The following RUFY2 variants were observed in gnomAD, a reference collection of about 807,000 sequenced individuals.
RUFY2 encodes RUN and FYVE domain containing 2.
RUFY2 carries 49 observed loss-of-function variants against 94.4 expected under a neutral mutation model. The observed-to-expected ratio is 0.52, with a 90% CI of 0.41 to 0.66. The LOEUF is 0.66. RUFY2 is among the 30% of genes least tolerant of loss of function. RUFY2 has a pLI of 0.00. For missense variants in RUFY2, 541 were observed against 692.8 expected (o/e 0.78, Z 2.46); for synonymous variants, 255 against 235.7 (o/e 1.08, Z -0.75).
chr10:68,377,757 T>C, intron 12 of RUFY2: 1 of 983,878 alleles, frequency 1.0e-6, no homozygotes, highest in South Asian at 4.7e-5. Context: ...TCAATATTTT[T>C]ATAAGAAAAT....
At chr10:68,349,158 T>C (rs2046483088) in intron 16 of RUFY2, among the ~76,000 whole-genome samples, 1 of 152,156 alleles carries the variant, frequency 6.6e-6, no homozygotes, top group Non-Finnish European at 1.5e-5. Flanking sequence ...AGGTTTCCGA[T>C]AACTCTTATT....
Position 68,379,399 on chromosome 10 carries a change from G to T in RUFY2, c.1205+25C>A, listed in dbSNP as rs752904525. Reference sequence around the variant, plus strand: ...AAAAGGGAAGAAGAAAAGAAAAAAAGAAACTAAGACTGGAAATGCTGTACC... The same window carrying T: ...AAAAGGGAAGAAGAAAAGAAAAAAATAAACTAAGACTGGAAATGCTGTACC... On this transcript the variant is annotated intron_variant, in intron 12 of 17. Transcript: ENST00000602465. 7.2e-6 allele frequency: 11 copies of T among 1,526,050 alleles called. No homozygotes were observed. In the Admixed American group the frequency reaches 1.9e-4, roughly 26 times the overall value. 94.5% of individuals were successfully genotyped at this position (1,526,050 alleles called of 1,614,324 possible).
At chr10:68,349,423 G>A (rs953836140) in intron 16 of RUFY2, among the ~76,000 whole-genome samples, 3 of 121,200 alleles carry the variant, frequency 2.5e-5, no homozygotes, top group Admixed American at 9.4e-5. Context: ...AGGAGGCTGA[G>A]GGGGGGAGGA....
chr10:68,390,378 C>A (rs2049884453), intron 7 of RUFY2, among the ~76,000 whole-genome samples: 1 of 152,118 alleles, frequency 6.6e-6, no homozygotes, highest in South Asian at 2.1e-4. Context: ...AAAAATTATT[C>A]ATAATCCTAT....
intron 11 of RUFY2, among the ~76,000 whole-genome samples, chr10:68,380,613 G>A (rs1367210051): frequency 6.6e-6 from 1 of 152,100 alleles, no homozygotes; most frequent in Non-Finnish European, 1.5e-5. Context: ...TGTAATCTCA[G>A]CACTTTGGGA....
In RUFY2 at chr10:68,384,043, A is replaced by G. The variant is rs544396718; in HGVS notation, c.822+8T>C. On this transcript the variant is annotated splice_region_variant and intron_variant, in intron 9 of 17. Coordinates refer to ENST00000602465, the MANE Select transcript of RUFY2 (RefSeq NM_001330103.2). ...GAGATTGTCTGCTTGAAAGCAGTCT[A>G]TACTTACCTCTAGGTGCTGCTGTGT... is the stretch of plus-strand genomic sequence containing the variant. 3.1e-6 allele frequency: 5 copies of G among 1,609,214 alleles called. No homozygotes were observed. The Admixed American group carries it at 6.7e-5, about 22-fold the overall frequency.
chr10:68,342,817 T>G (rs1209218759), downstream of RUFY2: 1 of 152,600 alleles, frequency 6.6e-6, no homozygotes. Context: ...ACACAAGAAT[T>G]CAGTATTAAG....
intron 7 of RUFY2, among the ~76,000 whole-genome samples, chr10:68,387,862 G>A (rs2049633593): frequency 6.6e-6 from 1 of 152,010 alleles, no homozygotes; most frequent in South Asian, 2.1e-4. Context: ...ACTTAGCTGG[G>A]CGTGGTGGCA....
At chr10:68,397,410 C>A in intron 3 of RUFY2, among the ~76,000 whole-genome samples, 1 of 151,672 alleles carries the variant, frequency 6.6e-6, no homozygotes, top group Admixed American at 6.6e-5. Flanking sequence ...GTTATGCAGC[C>A]CAGGACTCTG....
chr10:68,396,897 A>C lies in RUFY2; in HGVS notation c.297-16T>G, dbSNP rs751266086. On this transcript the variant is annotated splice_polypyrimidine_tract_variant and intron_variant, in intron 3 of 17. Transcript: ENST00000602465. ...CAGAGGGGTCCTAAAGAGAAGAACC[A>C]ATTGATCAGAAAACAGCCCTAGCCC... The C allele has an allele frequency of 1.3e-6, 2 of 1,579,692 alleles. No homozygotes were observed. The highest frequency in any genetic ancestry group is 2.2e-5 in the South Asian group (2 of 90,090).
chr10:68,370,599 T>G (rs7089388), intron 13 of RUFY2, among the ~76,000 whole-genome samples: 1 of 151,712 alleles, frequency 6.6e-6, no homozygotes, highest in African/African-American at 2.4e-5. Flanking sequence ...GTGAGCCAGG[T>G]AGGGCACATG....
intron 16 of RUFY2, among the ~76,000 whole-genome samples, chr10:68,352,398 G>C (rs754842288): frequency 1.3e-5 from 2 of 152,144 alleles, no homozygotes; most frequent in South Asian, 2.1e-4. Flanking sequence ...CCCACAAAGG[G>C]GGAAGGTAAA....
At chr10:68,366,857 A>C (rs1421082571) in intron 13 of RUFY2, among the ~76,000 whole-genome samples, 1 of 139,384 alleles carries the variant, frequency 7.2e-6, no homozygotes, top group Admixed American at 7.8e-5. Context: ...TAAATAAATA[A>C]ATATATTAAA....
chr10:68,396,320 G>A (rs2050391924), intron 4 of RUFY2, among the ~76,000 whole-genome samples: 1 of 151,718 alleles, frequency 6.6e-6, no homozygotes, highest in African/African-American at 2.4e-5. Context: ...AATTTAAACT[G>A]TGCCCACAAT....
At chr10:68,383,695 C>T in intron 10 of RUFY2, 103 bp downstream of exon 10, 1 of 810,514 alleles carries the variant, frequency 1.2e-6, no homozygotes, top group South Asian at 1.5e-5. Flanking sequence ...TGCTACATAC[C>T]ACACCAAAAA....
chr10:68,367,161 T>C (rs1564802445), intron 13 of RUFY2, among the ~76,000 whole-genome samples: 2 of 150,992 alleles, frequency 1.3e-5, no homozygotes, highest in Admixed American at 1.3e-4. Flanking sequence ...AAAAAAAAAA[T>C]AGTGGTATCA....
At chr10:68,380,721 G>GC (rs763908048) in intron 11 of RUFY2, among the ~76,000 whole-genome samples, 7 of 152,034 alleles carry the variant, frequency 4.6e-5, no homozygotes, top group Non-Finnish European at 8.8e-5. Context: ...AATTAGCCGG[G>GC]CGTATTGGTA....
At chr10:68,380,098 G>A (rs908716207) in intron 11 of RUFY2, among the ~76,000 whole-genome samples, 12 of 149,880 alleles carry the variant, frequency 8.0e-5, no homozygotes, top group Middle Eastern at 3.5e-3. Flanking sequence ...ATGAGCCACC[G>A]CACACGGCCC....
At chr10:68,380,255 TA>T (rs1241561805) in intron 11 of RUFY2, among the ~76,000 whole-genome samples, 4 of 151,802 alleles carry the variant, frequency 2.6e-5, no homozygotes, top group Admixed American at 1.3e-4. Flanking sequence ...AGTCCTCATT[TA>T]AAATGTAATA....
Sources: gnomAD v4.1 joint callset for allele counts (sites outside exome capture counted in the v4.1 genomes callset) on GRCh38, gnomAD v4.1.1 for gene constraint, MANE v1.5 for transcripts, NCBI Gene and HGNC (gene_info 2026-07-23, HGNC 2026-07-21) for gene names.